Variants in AEBP2 observed in about 807,000 individuals in gnomAD.
The protein encoded by AEBP2 is AE binding protein 2, also known as zinc finger protein AEBP2.
AEBP2 carries 10 observed loss-of-function variants against 50.8 expected under a neutral mutation model. The ratio of observed to expected loss-of-function variants is 0.20; its 90% CI spans 0.12 to 0.33. The LOEUF (loss-of-function observed/expected upper bound fraction) is 0.33. Among genes scored for constraint, AEBP2 ranks in the 10% least tolerant of loss-of-function variants. AEBP2 has a pLI of 1.00. For missense variants in AEBP2, 570 were observed against 688.0 expected (o/e 0.83, Z 1.92); for synonymous variants, 296 against 261.3 (o/e 1.13, Z -1.28).
At chr12:19,471,997 A>G (rs1020393687) in intron 2 of AEBP2, among the ~76,000 whole-genome samples, 1 of 152,188 alleles carries the variant, frequency 6.6e-6, no homozygotes, top group African/African-American at 2.4e-5. Flanking sequence ...ACTTAAAGAA[A>G]CTAGCAAATT....
At chr12:19,453,927 T>A (rs1185069741) in intron 1 of AEBP2, among the ~76,000 whole-genome samples, 2 of 151,812 alleles carry the variant, frequency 1.3e-5, no homozygotes, top group Non-Finnish European at 2.9e-5. Context: ...CCTCCCAAAG[T>A]GCTGGGATTA....
intron 1 of AEBP2, among the ~76,000 whole-genome samples, chr12:19,442,704 T>A (rs1663738708): frequency 6.6e-6 from 1 of 152,214 alleles, no homozygotes; most frequent in African/African-American, 2.4e-5. Context: ...TGTCACCATT[T>A]CAGGGTAATA....
rs554131729 is a variant in AEBP2, at chr12:19,457,992, A to G, written c.672-4518A>G. Among the ~76,000 whole-genome samples the G allele has an allele frequency of 2.6e-5, 4 of 152,328 alleles. No individual in the cohort carries two copies. The East Asian group carries it at 7.7e-4, about 29-fold the overall frequency. Reference sequence around the variant, plus strand: ...AATATCAGGGTGTATAGGTCTTCACATTTCATGAAATCAGTAGGTGTTCAT... The same window carrying G: ...AATATCAGGGTGTATAGGTCTTCACGTTTCATGAAATCAGTAGGTGTTCAT... On this transcript the variant is annotated intron_variant, in intron 1 of 7. Transcript: ENST00000266508.
At chr12:19,513,565 C>T (rs891707934) in intron 6 of AEBP2, among the ~76,000 whole-genome samples, 4 of 152,048 alleles carry the variant, frequency 2.6e-5, no homozygotes, top group Non-Finnish European at 5.9e-5. Context: ...TTGAGATCAG[C>T]CTGGGCAGTA....
intron 1 of AEBP2, among the ~76,000 whole-genome samples, chr12:19,411,125 C>T (rs1169813699): frequency 6.6e-6 from 1 of 152,008 alleles, no homozygotes; most frequent in Non-Finnish European, 1.5e-5. Flanking sequence ...CTGACATAAA[C>T]TAAAGAAAAG....
intron 3 of AEBP2, among the ~76,000 whole-genome samples, chr12:19,480,979 AT>A (rs1002084590): frequency 9.0e-5 from 13 of 144,676 alleles, no homozygotes; most frequent in Admixed American, 3.4e-4. Flanking sequence ...GACTTTGTTA[AT>A]TTTTTTTTAA....
At chr12:19,434,960 A>G (rs2095753415), upstream of AEBP2, among the ~76,000 whole-genome samples, 1 of 152,070 alleles carries the variant, frequency 6.6e-6, no homozygotes, top group Non-Finnish European at 1.5e-5. Context: ...TGCCATTTCC[A>G]TGTGTCTAAT....
intron 5 of AEBP2, among the ~76,000 whole-genome samples, chr12:19,505,992 T>A (rs1462011601): frequency 6.6e-6 from 1 of 151,894 alleles, no homozygotes; most frequent in Non-Finnish European, 1.5e-5. Context: ...CATCTTGCTA[T>A]GTTGCCCAGG....
At chr12:19,491,130 C>T (rs1948890286) in intron 3 of AEBP2, among the ~76,000 whole-genome samples, 1 of 152,150 alleles carries the variant, frequency 6.6e-6, no homozygotes, top group South Asian at 2.1e-4. Flanking sequence ...AGTTCTGTGG[C>T]AACGTGGTAC....
At chr12:19,453,050 G>T (rs1488900277) in intron 1 of AEBP2, among the ~76,000 whole-genome samples, 1 of 139,362 alleles carries the variant, frequency 7.2e-6, no homozygotes, top group Non-Finnish European at 1.5e-5. Flanking sequence ...CTCATTGCAA[G>T]CTCCGCCTCC....
intron 1 of AEBP2, chr12:19,457,726 A>G (rs1249717003): frequency 3.4e-6 from 3 of 890,408 alleles, no homozygotes; most frequent in African/African-American, 1.7e-5. Context: ...AAAGCTAGTC[A>G]GAGAGATCTT....
chr12:19,505,786 G>A (rs894329922), intron 5 of AEBP2, among the ~76,000 whole-genome samples: 2 of 151,670 alleles, frequency 1.3e-5, no homozygotes, highest in African/African-American at 2.4e-5. Flanking sequence ...TGTTTGTTTT[G>A]TTTTTTTGAG....
intron 1 of AEBP2, among the ~76,000 whole-genome samples, chr12:19,441,984 T>A (rs1416982506): frequency 6.6e-6 from 1 of 152,164 alleles, no homozygotes; most frequent in Non-Finnish European, 1.5e-5. Flanking sequence ...GACTTCTGTT[T>A]AACAGATGAA....
At chr12:19,509,004 T>A in intron 5 of AEBP2, 1 of 551,656 alleles carries the variant, frequency 1.8e-6, no homozygotes, top group African/African-American at 1.9e-5. Flanking sequence ...GTTTACCTTT[T>A]TACTAAGAAC....
chr12:19,484,815 T>C (rs80274740), intron 3 of AEBP2, among the ~76,000 whole-genome samples: 3,230 of 152,188 alleles, frequency 0.021, 42 homozygotes, highest in East Asian at 0.043. Context: ...AGGTAGTAAA[T>C]GAATAAATGA....
At chr12:19,404,572 AGTGGGAGAGGCACGCTAACACCG>A (rs2095735084) in intron 1 of AEBP2, among the ~76,000 whole-genome samples, 1 of 152,146 alleles carries the variant, frequency 6.6e-6, no homozygotes, top group African/African-American at 2.4e-5. Flanking sequence ...TGTCTTTCCA[AGTGGGAGAGGCACGCTAACACCG>A]GCTCCTATCC....
intron 2 of AEBP2, among the ~76,000 whole-genome samples, chr12:19,471,606 A>G (rs1948574679): frequency 6.6e-6 from 1 of 152,020 alleles, no homozygotes; most frequent in African/African-American, 2.4e-5. Context: ...GACTTAAGCA[A>G]TCATCCTGCC....
chr12:19,515,971 G>T (rs1219803759), intron 7 of AEBP2, among the ~76,000 whole-genome samples: 1 of 152,140 alleles, frequency 6.6e-6, no homozygotes, highest in Non-Finnish European at 1.5e-5. Flanking sequence ...TGTGGTCCCA[G>T]CTACTCAGGA....
At chr12:19,510,882 T>TTTTTTTTTTG (rs1949222806) in intron 5 of AEBP2, among the ~76,000 whole-genome samples, 3 of 148,320 alleles carry the variant, frequency 2.0e-5, no homozygotes, top group Admixed American at 6.8e-5. Flanking sequence ...TTTTTTTTTT[T>TTTTTTTTTTG]GAGGTGGGGC....
Sources: gnomAD v4.1 joint callset for allele counts (sites outside exome capture counted in the v4.1 genomes callset) on GRCh38, gnomAD v4.1.1 for gene constraint, MANE v1.5 for transcripts, NCBI Gene and HGNC (gene_info 2026-07-23, HGNC 2026-07-21) for gene names.